ATF1: variants seen among roughly 807,000 people sequenced by gnomAD.
ATF1 encodes cyclic AMP-dependent transcription factor ATF-1.
ATF1 carries 16 observed loss-of-function variants against 34.7 expected under a neutral mutation model. The ratio of observed to expected loss-of-function variants is 0.46; its 90% CI spans 0.31 to 0.70. The LOEUF (loss-of-function observed/expected upper bound fraction) is 0.70. Among genes scored for constraint, ATF1 ranks in the 30% least tolerant of loss-of-function variants. The pLI is 0.05. For synonymous variants in ATF1, 105 were observed against 113.1 expected, an observed-to-expected ratio of 0.93 and a Z score of 0.46; for missense variants, 255 against 321.6, an observed-to-expected ratio of 0.79 and a Z score of 1.58.
chr12:50,787,501 GGCAGACAGATT>G, intron 2 of ATF1, among the ~76,000 whole-genome samples: 1 of 152,100 alleles, frequency 6.6e-6, no homozygotes, highest in African/African-American at 2.4e-5. Flanking sequence ...AGGAGGCCGA[GGCAGACAGATT>G]GCTTGAGCTC....
At chr12:50,773,602 T>C (rs1164368871) in intron 1 of ATF1, among the ~76,000 whole-genome samples, 1 of 151,722 alleles carries the variant, frequency 6.6e-6, no homozygotes, top group Non-Finnish European at 1.5e-5. Flanking sequence ...TTTTTTTTTT[T>C]CTTGAGACTG....
chr12:50,811,468 A>AAT (rs1328858715), intron 4 of ATF1, among the ~76,000 whole-genome samples: 28 of 151,540 alleles, frequency 1.8e-4, no homozygotes, highest in Non-Finnish European at 3.7e-4. Context: ...TTAATTAAAT[A>AAT]ATATATATAT....
At chr12:50,814,886 C>T (rs1040459249) in intron 6 of ATF1, among the ~76,000 whole-genome samples, 3 of 148,812 alleles carry the variant, frequency 2.0e-5, no homozygotes, top group African/African-American at 7.4e-5. Context: ...GTAATCCCAG[C>T]TGAGGCGGGC....
rs771094189 is a variant in ATF1, at chr12:50,780,123, T to A, written c.-6-17T>A. 271 of 1,562,738 alleles carry A rather than the reference T, an allele frequency of 1.7e-4. No individual in the cohort carries two copies. Among genetic ancestry groups the A allele is most frequent in the Non-Finnish European group, 2.3e-4 (265 of 1,136,448 alleles). On this transcript the variant is annotated splice_polypyrimidine_tract_variant and intron_variant, in intron 1 of 6. Transcript: ENST00000262053. ...TGTATCATATTTAATTTTAACGGAC[T>A]TTTTTCCCCCTTATAGTTGATTATG...
chr12:50,804,178 AT>A (rs1258764379), intron 3 of ATF1, among the ~76,000 whole-genome samples: 4 of 152,228 alleles, frequency 2.6e-5, no homozygotes, highest in Non-Finnish European at 5.9e-5. Context: ...CAAAAATTAT[AT>A]AGCTAGTCTA....
chr12:50,805,138 G>T (rs1184159767), intron 3 of ATF1, among the ~76,000 whole-genome samples: 1 of 151,978 alleles, frequency 6.6e-6, no homozygotes, highest in Non-Finnish European at 1.5e-5. Flanking sequence ...CCCAGCAGCT[G>T]TAGAATGAAG....
rs1019146337 is a variant in ATF1, at chr12:50,819,919, T to C, written c.*140T>C. ...TCAAGGATAAATATCTTACGCACGA[T>C]ATCTAGTGACAGAGGAGAAAGTGGA... On this transcript the variant is annotated 3_prime_UTR_variant, in exon 7 of 7. Transcript: ENST00000262053. The C allele has an allele frequency of 5.6e-6, 4 of 708,784 alleles. No homozygotes were observed. The highest frequency in any genetic ancestry group is 3.7e-5 in the African/African-American group (2 of 53,632). The allele number at this position is 708,784 out of a possible 1,614,324, so 43.9% of individuals were successfully genotyped here. A position where few individuals can be genotyped will look rare whatever the true frequency, so the allele number is the denominator to read the frequency against.
rs1565910834 is a variant in ATF1 at position 50,795,861 on chromosome 12, C to A, written c.94-48C>A. 6.2e-6 allele frequency: 9 copies of A among 1,440,682 alleles called. No individual in the cohort carries two copies. In the African/African-American group the frequency reaches 1.1e-4, roughly 18 times the overall value. The allele number at this position is 1,440,682 out of a possible 1,614,324, so 89.2% of individuals were successfully genotyped here. ...TCTAAAAGTAAAAATTCAGTTGTTT[C>A]TTTTCCCACCTGCATTGTTCATCAT... On this transcript the variant is annotated intron_variant, in intron 2 of 6. Coordinates refer to ENST00000262053, the MANE Select transcript of ATF1 (RefSeq NM_005171.5).
At chr12:50,765,326 G>A (rs1184144070) in intron 1 of ATF1, among the ~76,000 whole-genome samples, 2 of 152,100 alleles carry the variant, frequency 1.3e-5, no homozygotes, top group Admixed American at 6.6e-5. Context: ...AGTTATCTCC[G>A]TGTCTTAATT....
At chr12:50,764,455 G>T (rs1181642363) in intron 1 of ATF1, 148 bp downstream of exon 1, 1 of 151,686 alleles carries the variant, frequency 6.6e-6, no homozygotes, top group East Asian at 1.9e-4. Context: ...AGCGGCAGGG[G>T]GAGGGGCCGC....
chr12:50,769,739 C>T (rs2139634931), intron 1 of ATF1, among the ~76,000 whole-genome samples: 1 of 152,276 alleles, frequency 6.6e-6, no homozygotes, highest in African/African-American at 2.4e-5. Context: ...TTAATAGTGG[C>T]TCTCCTAAAA....
intron 2 of ATF1, among the ~76,000 whole-genome samples, chr12:50,781,743 G>A (rs1230336591): frequency 6.6e-6 from 1 of 151,794 alleles, no homozygotes; most frequent in East Asian, 1.9e-4. Flanking sequence ...GAGCCACCGT[G>A]CCCGGCCAAA....
At chr12:50,786,178 A>G (rs1488219853) in intron 2 of ATF1, among the ~76,000 whole-genome samples, 1 of 152,180 alleles carries the variant, frequency 6.6e-6, no homozygotes, top group Non-Finnish European at 1.5e-5. Context: ...TTGTGGCTAT[A>G]TAGGTGGTAT....
At chr12:50,799,984 G>A (rs1007371868) in intron 3 of ATF1, among the ~76,000 whole-genome samples, 2 of 152,142 alleles carry the variant, frequency 1.3e-5, no homozygotes, top group African/African-American at 2.4e-5. Context: ...GGTGAAAGAC[G>A]TAAACCTACA....
intron 1 of ATF1, among the ~76,000 whole-genome samples, chr12:50,772,478 C>T (rs1458954477): frequency 1.3e-5 from 2 of 151,932 alleles, no homozygotes; most frequent in Non-Finnish European, 2.9e-5. Flanking sequence ...AGGCATGTGC[C>T]ACCACCCCTG....
At chr12:50,779,974 T>C (rs189966441) in intron 1 of ATF1, among the ~76,000 whole-genome samples, 166 bp from the exon 2 acceptor site, 2 of 152,268 alleles carry the variant, frequency 1.3e-5, no homozygotes, top group South Asian at 2.1e-4. Flanking sequence ...GGGCCAAAAT[T>C]CAAAAAATTT....
intron 6 of ATF1, among the ~76,000 whole-genome samples, chr12:50,815,353 A>G (rs1322991155): frequency 2.0e-5 from 3 of 152,074 alleles, no homozygotes; most frequent in Admixed American, 6.6e-5. Flanking sequence ...TTTTAACAAA[A>G]AAGTTCAAAA....
At chr12:50,803,460 G>A (rs1941554828) in intron 3 of ATF1, among the ~76,000 whole-genome samples, 1 of 151,012 alleles carries the variant, frequency 6.6e-6, no homozygotes, top group Non-Finnish European at 1.5e-5. Flanking sequence ...GTGATGATAT[G>A]GAGAAATTAA....
At chr12:50,786,074 G>A (rs1349210281) in intron 2 of ATF1, among the ~76,000 whole-genome samples, 2 of 152,086 alleles carry the variant, frequency 1.3e-5, no homozygotes, top group East Asian at 1.9e-4. Context: ...AATCTGTTGG[G>A]CAGACCATCC....
Sources: gnomAD v4.1 joint callset for allele counts (sites outside exome capture counted in the v4.1 genomes callset) on GRCh38, gnomAD v4.1.1 for gene constraint, MANE v1.5 for transcripts, NCBI Gene and HGNC (gene_info 2026-07-23, HGNC 2026-07-21) for gene names.